The following PUS7 variants were observed in gnomAD, a reference collection of about 807,000 sequenced individuals.
PUS7 encodes pseudouridylate synthase 7 homolog.
Under a neutral mutation model 79.8 loss-of-function variants are expected in PUS7, and 48 were observed. The ratio of observed to expected loss-of-function variants is 0.60; its 90% CI spans 0.48 to 0.76. PUS7 has a LOEUF of 0.76. PUS7 is among the 30% of genes least tolerant of loss of function. PUS7 has a pLI of 0.00. For synonymous variants in PUS7, 286 were observed against 272.2 expected (o/e 1.05, Z -0.50); for missense variants, 729 against 797.6 (o/e 0.91, Z 1.04).
chr7:105,507,759 C>T (rs1303719597), intron 2 of PUS7, among the ~76,000 whole-genome samples: 2 of 152,026 alleles, frequency 1.3e-5, no homozygotes, highest in Non-Finnish European at 2.9e-5. Flanking sequence ...CCAGGCTGGT[C>T]TCAAACTCCT....
intron 14 of PUS7, chr7:105,462,398 CTCCA>C (rs1030253609): frequency 2.8e-5 from 13 of 468,152 alleles, no homozygotes; most frequent in African/African-American, 2.7e-4. Context: ...TGCTATTGTG[CTCCA>C]GCCTGGGTGA....
chr7:105,520,497 G>A (rs1384128544), intron 1 of PUS7, among the ~76,000 whole-genome samples: 1 of 132,716 alleles, frequency 7.5e-6, no homozygotes, highest in Admixed American at 7.7e-5. Context: ...AATACATGTG[G>A]GCGACAGAGC....
chr7:105,511,817 T>C (rs1213421279), intron 1 of PUS7, among the ~76,000 whole-genome samples: 2 of 151,386 alleles, frequency 1.3e-5, no homozygotes, highest in Non-Finnish European at 2.9e-5. Context: ...CTACAAAAAA[T>C]AGGAGAGAAG....
chr7:105,513,403 T>G (rs1257298479), intron 1 of PUS7, among the ~76,000 whole-genome samples: 4 of 152,276 alleles, frequency 2.6e-5, no homozygotes, highest in Admixed American at 2.6e-4. Context: ...ATCTAGGTTT[T>G]GCCATTTACT....
chr7:105,470,418 A>T (rs1466205787), intron 11 of PUS7: 1 of 303,306 alleles, frequency 3.3e-6, no homozygotes, highest in Admixed American at 4.6e-5. Flanking sequence ...TCAAATACCA[A>T]GAGACTTAAT....
chr7:105,505,536 G>T (rs1825419935), intron 4 of PUS7, among the ~76,000 whole-genome samples: 2 of 152,140 alleles, frequency 1.3e-5, no homozygotes, highest in African/African-American at 4.8e-5. Context: ...GGACATTGTG[G>T]TATAATTGGT....
chr7:105,496,906 A>C, intron 5 of PUS7: 2 of 1,153,176 alleles, frequency 1.7e-6, no homozygotes, highest in Non-Finnish European at 2.2e-6. Flanking sequence ...CTTGTGACAA[A>C]ATCTTTGGCA....
rs1378907111 is a variant in PUS7, at chr7:105,469,708, C to T, written c.1398+980G>A. ...CTCCAGACCTCAGGAGATCCACCTG[C>T]GTTGGCCTCCCAAAGTGTTGGAATT... On this transcript the variant is annotated intron_variant, in intron 11 of 15. Transcript: ENST00000469408. 4.6e-5 allele frequency among the ~76,000 whole-genome samples: 7 copies of T among 152,198 alleles called. No individual in the cohort carries two copies. In the South Asian group the frequency reaches 8.3e-4, roughly 18 times the overall value.
At chr7:105,498,044 C>T (rs1046540154) in intron 5 of PUS7, among the ~76,000 whole-genome samples, 1 of 152,148 alleles carries the variant, frequency 6.6e-6, no homozygotes, top group African/African-American at 2.4e-5. Flanking sequence ...AAACTAAATG[C>T]TGCTATACCT....
intron 1 of PUS7, among the ~76,000 whole-genome samples, chr7:105,521,764 GC>G (rs1826124486): frequency 1.3e-5 from 2 of 152,150 alleles, no homozygotes; most frequent in Admixed American, 1.3e-4. Context: ...GAGGAGGGGA[GC>G]GCTCGGGCGC....
At chr7:105,485,976 G>C (rs1472454745) in intron 7 of PUS7, among the ~76,000 whole-genome samples, 2 of 152,008 alleles carry the variant, frequency 1.3e-5, no homozygotes, top group Non-Finnish European at 2.9e-5. Context: ...GCCTCCGAAA[G>C]TGCTGGGATT....
At chr7:105,464,657 A>G (rs924315462) in intron 13 of PUS7, among the ~76,000 whole-genome samples, 18 of 152,054 alleles carry the variant, frequency 1.2e-4, no homozygotes, top group Admixed American at 9.8e-4. Context: ...TCCAACTGAG[A>G]GTTACATCAT....
chr7:105,476,323 T>A (rs541264603), intron 9 of PUS7, among the ~76,000 whole-genome samples: 1 of 152,140 alleles, frequency 6.6e-6, no homozygotes, highest in East Asian at 1.9e-4. Context: ...TTTGGGTATA[T>A]ACTGAGAAGT....
rs1826149336 is a variant in PUS7 at position 105,522,170 on chromosome 7, CA to C, written c.-152del. On this transcript the variant is annotated 5_prime_UTR_variant, in exon 1 of 16. Transcript: ENST00000469408. Reference sequence around the variant, plus strand: ...TGAGCCAGCGGCTAGGGCGGCCAGGCAAAAGCAGCGCTTTCCGCGCGGAGGA... The same window carrying C: ...TGAGCCAGCGGCTAGGGCGGCCAGGCAAAGCAGCGCTTTCCGCGCGGAGGA... 6.6e-6 allele frequency: 1 copy of C among 152,060 alleles called. No homozygotes were observed. The highest frequency in any genetic ancestry group is 1.5e-5 in the Non-Finnish European group (1 of 68,048). The allele number at this position is 152,060 out of a possible 1,614,324, so 9.4% of individuals were successfully genotyped here. A position where few individuals can be genotyped will look rare whatever the true frequency, so the allele number is the denominator to read the frequency against.
Position 105,499,566 on chromosome 7 carries a change from A to G in PUS7, c.730+2854T>C, listed in dbSNP as rs192850770. ...TTAGATGGTATTTTAAAAAAAAATC[A>G]CATATACATTTTGGTAGGTAAAGCA... On this transcript the variant is annotated intron_variant, in intron 5 of 15. Transcript: ENST00000469408. 2.0e-3 allele frequency among the ~76,000 whole-genome samples: 299 copies of G among 152,348 alleles called. 7 individuals are homozygous for G. The South Asian group carries it at 0.039, about 20-fold the overall frequency.
rs1378012003 is a variant in PUS7, at chr7:105,460,611, T to G, written c.1758-1352A>C. Among the ~76,000 whole-genome samples the G allele has an allele frequency of 2.0e-5, 3 of 151,926 alleles. No homozygotes were observed. The East Asian group carries it at 5.8e-4, about 30-fold the overall frequency. On this transcript the variant is annotated intron_variant, in intron 14 of 15. Coordinates refer to ENST00000469408, the MANE Select transcript of PUS7 (RefSeq NM_019042.5). ...GGCTCACGCCTGTAATCCCAGCACT[T>G]TGGGAGGCCGAGGCGGGCGGATCAC...
chr7:105,496,158 CAAA>C (rs1239655718), intron 5 of PUS7, among the ~76,000 whole-genome samples: 2 of 58,230 alleles, frequency 3.4e-5, no homozygotes, highest in Non-Finnish European at 3.3e-5. Context: ...GACTCCGTCT[CAAA>C]AAAAAAAAAA....
At chr7:105,476,763 A>G (rs888693993) in intron 9 of PUS7, among the ~76,000 whole-genome samples, 2 of 152,148 alleles carry the variant, frequency 1.3e-5, no homozygotes, top group African/African-American at 4.8e-5. Context: ...ACCCTTATCA[A>G]CACTTGTTAT....
rs138064535 is a variant in PUS7, at chr7:105,474,740, C to T, written c.1176-2547G>A. On this transcript the variant is annotated intron_variant, in intron 9 of 15. Transcript: ENST00000469408. The stretch of plus-strand genomic sequence containing the variant: ...AGGTTGCAGTGAGCCGAGATGGTGC[C>T]ACTGCACTCCAGCCTGGGCGACAGA... 0.01 allele frequency among the ~76,000 whole-genome samples: 1,591 copies of T among 152,242 alleles called. 61 individuals are homozygous for T. In the East Asian group the frequency reaches 0.13, roughly 13 times the overall value.
Sources: allele counts gnomAD v4.1 joint callset (sites outside exome capture counted in the v4.1 genomes callset), GRCh38; gene constraint gnomAD v4.1.1; transcripts MANE v1.5; gene names NCBI Gene and HGNC (gene_info 2026-07-23, HGNC 2026-07-21).